The following PINX1 variants were observed in gnomAD, a reference collection of about 807,000 sequenced individuals.
PINX1 encodes PIN2/TERF1-interacting telomerase inhibitor 1.
A neutral mutation model predicts 25.4 loss-of-function variants in PINX1; 34 were observed. That is an observed-to-expected ratio of 1.34 (90% CI 1.02 to 1.78). The LOEUF (loss-of-function observed/expected upper bound fraction) is 1.78. Among genes scored for constraint, PINX1 ranks in the 40% most tolerant of loss-of-function variants. The pLI is 0.00. For synonymous variants in PINX1, 197 were observed against 147.7 expected, an observed-to-expected ratio of 1.33 and a Z score of -2.42; for missense variants, 592 against 404.9, an observed-to-expected ratio of 1.46 and a Z score of -3.97.
At chr8:10,837,177 G>T (rs1010710920) in intron 1 of PINX1, among the ~76,000 whole-genome samples, 1 of 152,126 alleles carries the variant, frequency 6.6e-6, no homozygotes, top group African/African-American at 2.4e-5. Flanking sequence ...TTCCTTCTGC[G>T]AGCCAGGAAT....
intron 5 of PINX1, among the ~76,000 whole-genome samples, chr8:10,823,585 C>G (rs1006055419): frequency 2.6e-5 from 4 of 151,948 alleles, no homozygotes; most frequent in African/African-American, 9.7e-5. Context: ...ATAAAACTGA[C>G]ATTTAAAATT....
chr8:10,820,597 G>C (rs984421299), intron 5 of PINX1, among the ~76,000 whole-genome samples: 4 of 152,048 alleles, frequency 2.6e-5, no homozygotes, highest in African/African-American at 9.6e-5. Context: ...GCAATTCCTG[G>C]GTCTCTGGGT....
chr8:10,829,964 T>A (rs186410240), intron 4 of PINX1, among the ~76,000 whole-genome samples: 1 of 152,206 alleles, frequency 6.6e-6, no homozygotes, highest in African/African-American at 2.4e-5. Context: ...TATTACACCG[T>A]GCCCAGCCAA....
intron 6 of PINX1, among the ~76,000 whole-genome samples, chr8:10,784,042 T>C (rs1801672928): frequency 1.3e-5 from 2 of 151,980 alleles, no homozygotes; most frequent in African/African-American, 2.4e-5. Context: ...CTATAAAGAG[T>C]CTAAACTAAA....
intron 6 of PINX1, among the ~76,000 whole-genome samples, chr8:10,787,988 A>C (rs1465782494): frequency 6.6e-6 from 1 of 152,264 alleles, no homozygotes; most frequent in African/African-American, 2.4e-5. Context: ...ACTGGATTTG[A>C]TGATACTGAG....
intron 6 of PINX1, among the ~76,000 whole-genome samples, chr8:10,790,991 C>G (rs184937696): frequency 2.6e-5 from 4 of 152,280 alleles, no homozygotes; most frequent in Non-Finnish European, 1.5e-5. Context: ...TGGCTCACTG[C>G]AGCCTCCGCT....
chr8:10,767,186 A>C (rs765251055), intron 6 of PINX1, among the ~76,000 whole-genome samples: 23 of 152,340 alleles, frequency 1.5e-4, no homozygotes, highest in Middle Eastern at 3.4e-3. Flanking sequence ...TAATGATCCT[A>C]AACTTGGCTG....
intron 5 of PINX1, among the ~76,000 whole-genome samples, chr8:10,823,916 A>C (rs1433153705): frequency 1.3e-5 from 2 of 152,202 alleles, no homozygotes; most frequent in African/African-American, 4.8e-5. Context: ...TAGTAGAGTA[A>C]AATTTTAATC....
Position 10,831,554 on chromosome 8 carries a change from T to C in PINX1, c.301+111A>G, listed in dbSNP as rs1410645615. The C allele has an allele frequency of 9.8e-6, 7 of 716,050 alleles. No individual in the cohort carries two copies. The East Asian group carries it at 1.9e-4, about 19-fold the overall frequency. 44.4% of individuals were successfully genotyped at this position (716,050 alleles called of 1,614,324 possible). On this transcript the variant is annotated intron_variant, in intron 4 of 6. Coordinates refer to ENST00000314787, the MANE Select transcript of PINX1 (RefSeq NM_017884.6). Reference sequence around the variant, plus strand: ...GTGCACAGGTATTGACATATCACACTATACTCAATAAATATGTATAATTAT... The same window carrying C: ...GTGCACAGGTATTGACATATCACACCATACTCAATAAATATGTATAATTAT...
chr8:10,831,617 T>C, intron 4 of PINX1, 48 bp downstream of exon 4: 2 of 1,164,456 alleles, frequency 1.7e-6, no homozygotes, highest in South Asian at 1.3e-5. Context: ...AAACAAAAAG[T>C]AGATAAACAT....
Position 10,839,837 on chromosome 8 carries a change from G to T in PINX1, c.-81C>A, listed in dbSNP as rs368665129. On this transcript the variant is annotated 5_prime_UTR_variant, in exon 1 of 7. The change creates a new upstream start codon in the 5' untranslated region. Transcript: ENST00000314787. ...CGGGCTGGAGACTCCAGGAGAATCA[G>T]GACGTGCGTAACTCCCTCGCCGGCG... The T allele has an allele frequency of 3.6e-6, 5 of 1,385,106 alleles. No individual in the cohort carries two copies. Among genetic ancestry groups the T allele is most frequent in the Non-Finnish European group, 4.0e-6 (4 of 1,002,570 alleles). 85.8% of individuals were successfully genotyped at this position (1,385,106 alleles called of 1,614,324 possible).
intron 6 of PINX1, among the ~76,000 whole-genome samples, chr8:10,810,845 A>C (rs554962215): frequency 2.6e-5 from 4 of 152,374 alleles, no homozygotes; most frequent in South Asian, 2.1e-4. Context: ...CTGTAATGGC[A>C]AAATGGCAGA....
intron 6 of PINX1, among the ~76,000 whole-genome samples, chr8:10,792,020 C>T (rs1309141337): frequency 6.6e-6 from 1 of 152,166 alleles, no homozygotes; most frequent in East Asian, 1.9e-4. Flanking sequence ...CCAGGACCGC[C>T]CCCTCTCTCC....
At chr8:10,809,313 CAT>C (rs1238313418) in intron 6 of PINX1, among the ~76,000 whole-genome samples, 2 of 152,232 alleles carry the variant, frequency 1.3e-5, no homozygotes, top group Non-Finnish European at 2.9e-5. Context: ...GAAAGGCACA[CAT>C]GTCTTCAAGC....
chr8:10,804,228 G>T (rs945881838), intron 6 of PINX1, among the ~76,000 whole-genome samples: 1 of 152,218 alleles, frequency 6.6e-6, no homozygotes, highest in Non-Finnish European at 1.5e-5. Flanking sequence ...CCATGAAGAT[G>T]TCACTGCGGT....
intron 6 of PINX1, among the ~76,000 whole-genome samples, chr8:10,775,322 A>G (rs1231684533): frequency 2.7e-5 from 4 of 150,126 alleles, no homozygotes; most frequent in Non-Finnish European, 5.9e-5. Flanking sequence ...GCAGTTCTGA[A>G]CCCACCCAAC....
chr8:10,775,734 G>T (rs1051465971), intron 6 of PINX1, among the ~76,000 whole-genome samples: 1 of 152,178 alleles, frequency 6.6e-6, no homozygotes, highest in Non-Finnish European at 1.5e-5. Flanking sequence ...AAGATTGGAA[G>T]CACAACTGAC....
chr8:10,791,102 T>C (rs1801908882), intron 6 of PINX1, among the ~76,000 whole-genome samples: 1 of 152,076 alleles, frequency 6.6e-6, no homozygotes, highest in South Asian at 2.1e-4. Flanking sequence ...TTAGTAGAGA[T>C]GGGGTTTCAC....
intron 5 of PINX1, chr8:10,825,409 A>G (rs568002070): frequency 3.7e-6 from 2 of 534,818 alleles, no homozygotes; most frequent in South Asian, 2.8e-5. Flanking sequence ...TCTTATGTAA[A>G]CTATGTAATA....
Sources: allele counts gnomAD v4.1 joint callset (sites outside exome capture counted in the v4.1 genomes callset), GRCh38; gene constraint gnomAD v4.1.1; transcripts MANE v1.5; gene names NCBI Gene and HGNC (gene_info 2026-07-23, HGNC 2026-07-21).